INO80C: variants seen among roughly 807,000 people sequenced by gnomAD.
INO80C encodes INO80 complex subunit C.
Under a neutral mutation model 17.7 loss-of-function variants are expected in INO80C, and 17 were observed. The observed-to-expected ratio is 0.96, with a 90% CI of 0.66 to 1.44. The LOEUF (loss-of-function observed/expected upper bound fraction) is 1.44. Among genes scored for constraint, INO80C ranks in the 40% most tolerant of loss-of-function variants. The pLI is 0.00. For missense variants in INO80C, 244 were observed against 245.0 expected (o/e 1.00, Z 0.03); for synonymous variants, 96 against 95.8 (o/e 1.00, Z -0.01).
At position 35,497,786 on chromosome 18, in the gene INO80C, T is replaced by C; in HGVS notation, c.89A>G (p.Asn30Ser). 2.5e-6 allele frequency: 4 copies of C among 1,612,718 alleles called. No homozygotes were observed. The highest frequency in any genetic ancestry group is 2.5e-6 in the Non-Finnish European group (3 of 1,179,306). ...GCCATAGCCCCCGCCGCTGCTGCCA[T>C]TGTGGGAAGGGCTGGCCGGCCTCTT... ...SKKRPASPSH[N>S]GSSGGGYGAS... Residue 30 changes from asparagine to serine, a missense_variant, in exon 1 of 5, where the codon AAT (asparagine) becomes AGT (serine). Coordinates refer to ENST00000334598, the MANE Select transcript of INO80C (RefSeq NM_194281.4).
chr18:35,473,568 A>T (rs1010411245), intron 4 of INO80C, among the ~76,000 whole-genome samples: 17 of 152,176 alleles, frequency 1.1e-4, no homozygotes, highest in Admixed American at 5.9e-4. Context: ...TGCATGTTCA[A>T]GGCAAGACTA....
At chr18:35,469,364 A>G (rs965114690) in intron 4 of INO80C, among the ~76,000 whole-genome samples, 1 of 152,202 alleles carries the variant, frequency 6.6e-6, no homozygotes, top group Non-Finnish European at 1.5e-5. Context: ...CTCTTGGGAC[A>G]AAGGCCCAAG....
rs574080623 is a variant in INO80C at position 35,472,813 on chromosome 18, A to G, written c.448-4071T>C. On this transcript the variant is annotated intron_variant, in intron 4 of 4. Coordinates refer to ENST00000334598, the MANE Select transcript of INO80C (RefSeq NM_194281.4). Reference sequence around the variant, plus strand: ...CCCTGTTTGATGAGTCTTTCTCCTAATTACTAGTGAAGCTGAATATCTACT... The same window carrying G: ...CCCTGTTTGATGAGTCTTTCTCCTAGTTACTAGTGAAGCTGAATATCTACT... Among the ~76,000 whole-genome samples, 3 of 152,270 alleles carry G rather than the reference A, an allele frequency of 2.0e-5. No homozygotes were observed. In the South Asian group the frequency reaches 6.2e-4, roughly 32 times the overall value.
At chr18:35,488,027 C>CTGA (rs2045894598) in intron 1 of INO80C, among the ~76,000 whole-genome samples, 1 of 152,236 alleles carries the variant, frequency 6.6e-6, no homozygotes, top group African/African-American at 2.4e-5. Context: ...CCAAGTCACA[C>CTGA]TGATGCAAGA....
intron 1 of INO80C, among the ~76,000 whole-genome samples, chr18:35,488,245 T>C (rs2045897249): frequency 6.6e-6 from 1 of 152,370 alleles, no homozygotes; most frequent in East Asian, 1.9e-4. Context: ...GTGGGGACTC[T>C]GTTTGGGGGA....
intron 4 of INO80C, among the ~76,000 whole-genome samples, chr18:35,473,633 C>T (rs2045696865): frequency 6.6e-6 from 1 of 152,060 alleles, no homozygotes; most frequent in African/African-American, 2.4e-5. Flanking sequence ...AGAGGTTGAG[C>T]AGTGCTAGGA....
intron 4 of INO80C, among the ~76,000 whole-genome samples, chr18:35,474,435 C>G (rs2045710580): frequency 6.6e-6 from 1 of 151,596 alleles, no homozygotes; most frequent in Admixed American, 6.6e-5. Context: ...CATTGGTAAT[C>G]CCAACACTTT....
chr18:35,478,356 A>G lies in INO80C; in HGVS notation c.380-7T>C, dbSNP rs770672106. The G allele has an allele frequency of 9.5e-4, 1,138 of 1,200,526 alleles. No individual in the cohort carries two copies. In the East Asian group the frequency reaches 0.027, roughly 28 times the overall value. The allele number at this position is 1,200,526 out of a possible 1,614,324, so 74.4% of individuals were successfully genotyped here. A position where few individuals can be genotyped will look rare whatever the true frequency, so the allele number is the denominator to read the frequency against. On this transcript the variant is annotated splice_region_variant and splice_polypyrimidine_tract_variant and intron_variant, in intron 3 of 4. Transcript: ENST00000334598. ...GGAGCATCAATACTGAAGTCTGGGA[A>G]AAAAAAAAAAAAAAGATAACTAAAC...
rs1292674562 is a variant in INO80C at position 35,471,754 on chromosome 18, C to G, written c.448-3012G>C. On this transcript the variant is annotated intron_variant, in intron 4 of 4. Transcript: ENST00000334598. ...TATCTCCTAATGCTATCCCTCCCCC[C>G]TCCCTGCACCCCACAACATTCCCCG... 6.6e-5 allele frequency among the ~76,000 whole-genome samples: 10 copies of G among 150,414 alleles called. No individual in the cohort carries two copies. The South Asian group carries it at 8.6e-4, about 13-fold the overall frequency.
intron 4 of INO80C, among the ~76,000 whole-genome samples, chr18:35,476,062 T>G (rs574926935): frequency 6.6e-6 from 1 of 152,314 alleles, no homozygotes; most frequent in South Asian, 2.1e-4. Context: ...TGAAAATAGA[T>G]TCAGGTTATT....
At position 35,468,448 on chromosome 18, in the gene INO80C, T is replaced by TAAAA; in HGVS notation, c.*159_*162dup. ...TCACACTTGGAGGGAAAACACACACTAAAAAAAAAAAAAACCCTTAAATTA... is the reference window on the plus strand; with the variant it reads ...TCACACTTGGAGGGAAAACACACACTAAAAAAAAAAAAAAAAAACCCTTAAATTA... On this transcript the variant is annotated 3_prime_UTR_variant, in exon 5 of 5. Transcript: ENST00000334598. The TAAAA allele has an allele frequency of 7.9e-7, 1 of 1,261,226 alleles. No homozygotes were observed. Among genetic ancestry groups the TAAAA allele is most frequent in the East Asian group, 2.7e-5 (1 of 37,484 alleles). 78.1% of individuals were successfully genotyped at this position (1,261,226 alleles called of 1,614,324 possible). A position where few individuals can be genotyped will look rare whatever the true frequency, so the allele number is the denominator to read the frequency against.
chr18:35,493,434 C>T (rs1290102278), intron 1 of INO80C, among the ~76,000 whole-genome samples: 1 of 152,136 alleles, frequency 6.6e-6, no homozygotes, highest in Non-Finnish European at 1.5e-5. Flanking sequence ...ATTTGTACCA[C>T]CCCTTAGCAA....
rs113083640 is a variant in INO80C, at chr18:35,478,545, G to A, written c.380-196C>T. ...AACAAGACAGTATGTCACAGGCCAA[G>A]TGCAGGCTCCAGATCTAGCCCTGCC... On this transcript the variant is annotated intron_variant, in intron 3 of 4. Transcript: ENST00000334598. 2.1e-4 allele frequency among the ~76,000 whole-genome samples: 32 copies of A among 152,282 alleles called. 1 individual carries two copies. Among genetic ancestry groups the A allele is most frequent in the African/African-American group, 7.2e-4 (30 of 41,562 alleles).
chr18:35,486,763 CA>C (rs1202306278), intron 1 of INO80C, among the ~76,000 whole-genome samples: 1 of 104,290 alleles, frequency 9.6e-6, no homozygotes, highest in East Asian at 2.6e-4. Context: ...CCAGCCCAGG[CA>C]ACATAGCAAT....
At position 35,476,524 on chromosome 18, in the gene INO80C, T is replaced by C. The variant is rs567491072; in HGVS notation, c.447+1758A>G. On this transcript the variant is annotated intron_variant, in intron 4 of 4. Coordinates refer to ENST00000334598, the MANE Select transcript of INO80C (RefSeq NM_194281.4). ...GTTTTTCATAAATCTAGAACTGTTC[T>C]GAAAAATATAGTCTATTAAAAAACG... is the stretch of plus-strand genomic sequence containing the variant. Among the ~76,000 whole-genome samples, 4 of 152,272 alleles carry C rather than the reference T, an allele frequency of 2.6e-5. No homozygotes were observed. The South Asian group carries it at 8.3e-4, about 32-fold the overall frequency.
intron 1 of INO80C, among the ~76,000 whole-genome samples, chr18:35,489,720 G>C (rs1212358771): frequency 6.6e-6 from 1 of 152,116 alleles, no homozygotes; most frequent in Non-Finnish European, 1.5e-5. Flanking sequence ...ACCAGATAAG[G>C]GACAAGAATA....
rs779887854 is a variant in INO80C, at chr18:35,497,724, C to G, written c.151G>C (p.Ala51Pro). 1.9e-5 allele frequency: 31 copies of G among 1,611,870 alleles called. No homozygotes were observed. Among genetic ancestry groups the G allele is most frequent in the Non-Finnish European group, 2.5e-5 (29 of 1,179,328 alleles). The change falls in exon 1 of 5, where the codon GCG (alanine) becomes CCG (proline). Residue 51 changes from alanine to proline, a missense_variant. By Grantham distance (27) the Ala-to-Pro change is conservative. Transcript: ENST00000334598. ...CTGGGAGCGCGACTGCGTACCTGCG[C>G]AAAGCTGGAAGCGGACGCTTTTTTC... ...KKKKASASSFAQGISMEAMSE... is the reference protein window; with the variant it reads ...KKKKASASSFPQGISMEAMSE...
rs34130630 is a variant in INO80C at position 35,468,653 on chromosome 18, G to A, written c.537C>T (p.Thr179=). ...TGGCCTTCCTCAGGGCCAGGTAGCC[G>A]GTGACGACGTCAGAGGGCAGCCTCC... ...YIRRLPSDVV[T]GYLALRKATS... Residue 179 remains threonine (T), a synonymous_variant, in exon 5 of 5, where the codon ACC becomes ACT. Transcript: ENST00000334598. The A allele has an allele frequency of 2.4e-3, 3,936 of 1,614,010 alleles. 90 individuals are homozygous for A. In the African/African-American group the frequency reaches 0.043, roughly 18 times the overall value.
intron 1 of INO80C, 97 bp downstream of exon 1, chr18:35,497,622 G>C: frequency 6.8e-7 from 1 of 1,475,738 alleles, no homozygotes; most frequent in Non-Finnish European, 9.0e-7. Context: ...GACCGCACGC[G>C]CAGCGCCCCA....
Sources: gnomAD v4.1 joint callset for allele counts (sites outside exome capture counted in the v4.1 genomes callset) on GRCh38, gnomAD v4.1.1 for gene constraint, MANE v1.5 for transcripts, NCBI Gene and HGNC (gene_info 2026-07-23, HGNC 2026-07-21) for gene names.